AKAP19: variants seen among roughly 807,000 people sequenced by gnomAD.
AKAP19 encodes the protein small A-kinase anchoring protein.
the AKAP19 span, among the ~76,000 whole-genome samples, chr2:190,051,452 C>T: frequency 6.6e-6 from 1 of 152,144 alleles, no homozygotes; most frequent in Non-Finnish European, 1.5e-5. Context: ...TTTGGTGGAA[C>T]ATCTGTCTGG....
chr2:190,194,402 TAG>T, the AKAP19 span, among the ~76,000 whole-genome samples: 356 of 151,112 alleles, frequency 2.4e-3, 4 homozygotes, highest in Middle Eastern at 0.017. Flanking sequence ...AAAAAAATAA[TAG>T]ACTGTTTTTC....
the AKAP19 span, among the ~76,000 whole-genome samples, chr2:189,910,752 G>A: frequency 6.6e-6 from 1 of 151,962 alleles, no homozygotes; most frequent in African/African-American, 2.4e-5. Context: ...TGAACGCAAC[G>A]ACACAGCTCT....
the AKAP19 span, among the ~76,000 whole-genome samples, chr2:189,932,806 G>T: frequency 6.6e-6 from 1 of 151,274 alleles, no homozygotes; most frequent in Non-Finnish European, 1.5e-5. Flanking sequence ...GGTTTTTATT[G>T]ACTGAATATG....
chr2:190,168,772 C>T, the AKAP19 span, among the ~76,000 whole-genome samples: 2 of 152,328 alleles, frequency 1.3e-5, no homozygotes, highest in East Asian at 1.9e-4. Context: ...CAGTTCCCAA[C>T]AAGTTCCTCA....
chr2:190,013,147 A>C, the AKAP19 span, among the ~76,000 whole-genome samples: 1 of 152,188 alleles, frequency 6.6e-6, no homozygotes, highest in Non-Finnish European at 1.5e-5. Flanking sequence ...AAAATAATCC[A>C]TCTTCTTCAA....
chr2:190,064,678 A>G, the AKAP19 span, among the ~76,000 whole-genome samples: 3 of 152,140 alleles, frequency 2.0e-5, no homozygotes, highest in South Asian at 6.2e-4. Flanking sequence ...TTTTATGCAG[A>G]AGGGTTTGAG....
the AKAP19 span, among the ~76,000 whole-genome samples, chr2:190,111,419 G>T: frequency 2.0e-5 from 3 of 152,182 alleles, no homozygotes; most frequent in East Asian, 5.8e-4. Context: ...GTGTCCATTA[G>T]CCATCAAGTG....
At chr2:189,958,124 G>T in the AKAP19 span, among the ~76,000 whole-genome samples, 3 of 152,106 alleles carry the variant, frequency 2.0e-5, no homozygotes, top group African/African-American at 7.2e-5. Flanking sequence ...AAAGATATTT[G>T]CTACGTATAA....
At chr2:189,956,171 T>TCTTTTC in the AKAP19 span, among the ~76,000 whole-genome samples, 1 of 2,686 alleles carries the variant, frequency 3.7e-4, no homozygotes, top group African/African-American at 7.8e-4. Flanking sequence ...ATATTTTCTT[T>TCTTTTC]TTTTTCTTTT....
At chr2:189,987,195 T>A in the AKAP19 span, among the ~76,000 whole-genome samples, 1 of 152,186 alleles carries the variant, frequency 6.6e-6, no homozygotes, top group Non-Finnish European at 1.5e-5. Flanking sequence ...ATTCTTGTGA[T>A]AGTGAGTAAG....
chr2:189,887,530 T>C, the AKAP19 span, among the ~76,000 whole-genome samples: 1 of 152,194 alleles, frequency 6.6e-6, no homozygotes, highest in East Asian at 1.9e-4. Context: ...GTATTTCTGG[T>C]TCTAGCTCCT....
chr2:189,889,962 GC>G, the AKAP19 span, among the ~76,000 whole-genome samples: 1 of 152,054 alleles, frequency 6.6e-6, no homozygotes, highest in Non-Finnish European at 1.5e-5. Flanking sequence ...CTGGTCTTCT[GC>G]TAGCTTTTGA....
At chr2:189,917,390 C>A in the AKAP19 span, 4 of 933,114 alleles carry the variant, frequency 4.3e-6, no homozygotes, top group Admixed American at 8.1e-5. Context: ...TTTCCTCATG[C>A]CAGATCTCAA....
the AKAP19 span, among the ~76,000 whole-genome samples, chr2:190,075,177 T>C: frequency 2.6e-5 from 4 of 152,210 alleles, no homozygotes; most frequent in African/African-American, 9.6e-5. Context: ...GTATGATTAA[T>C]TTCCAAATAT....
the AKAP19 span, among the ~76,000 whole-genome samples, chr2:190,040,316 C>G: frequency 5.3e-5 from 8 of 152,206 alleles, no homozygotes; most frequent in African/African-American, 1.9e-4. Flanking sequence ...GCATATATGT[C>G]TTCTTTGGAG....
the AKAP19 span, among the ~76,000 whole-genome samples, chr2:190,086,247 AT>A: frequency 6.6e-6 from 1 of 152,262 alleles, no homozygotes; most frequent in African/African-American, 2.4e-5. Flanking sequence ...ATGACAAAAC[AT>A]TCCTTAAAAT....
chr2:190,133,993 C>T, the AKAP19 span, among the ~76,000 whole-genome samples: 2,781 of 152,160 alleles, frequency 0.018, 82 homozygotes, highest in African/African-American at 0.063. Flanking sequence ...TAGGTGTTTT[C>T]GTCACAAATA....
At chr2:190,124,166 C>T in the AKAP19 span, among the ~76,000 whole-genome samples, 1 of 152,218 alleles carries the variant, frequency 6.6e-6, no homozygotes, top group Admixed American at 6.5e-5. Flanking sequence ...GACTTCTCAA[C>T]CACCATAATA....
chr2:189,893,581 G>C, the AKAP19 span, among the ~76,000 whole-genome samples: 1 of 152,098 alleles, frequency 6.6e-6, no homozygotes, highest in Non-Finnish European at 1.5e-5. Flanking sequence ...GAAATGAGCC[G>C]GGTACCTCAG....
Sources: gnomAD v4.1 joint callset for allele counts (sites outside exome capture counted in the v4.1 genomes callset) on GRCh38, gnomAD v4.1.1 for gene constraint, MANE v1.5 for transcripts, NCBI Gene and HGNC (gene_info 2026-07-23, HGNC 2026-07-21) for gene names.